Variants in FRMD5 observed in about 807,000 individuals in gnomAD.
The protein encoded by FRMD5 is FERM domain containing 5.
Under a neutral mutation model 69.0 loss-of-function variants are expected in FRMD5, and 20 were observed. That is an observed-to-expected ratio of 0.29 (90% CI 0.20 to 0.42). The LOEUF (loss-of-function observed/expected upper bound fraction) is 0.42, where lower values mean the gene tolerates loss of function less well. FRMD5 is among the 10% of genes least tolerant of loss of function. The pLI, the probability that FRMD5 is intolerant of heterozygous loss-of-function variation, is 1.00. For missense variants in FRMD5, 595 were observed against 708.6 expected, an observed-to-expected ratio of 0.84 and a Z score of 1.82; for synonymous variants, 271 against 260.1, an observed-to-expected ratio of 1.04 and a Z score of -0.40.
intron 1 of FRMD5, among the ~76,000 whole-genome samples, chr15:44,022,284 G>A (rs1427674232): frequency 2.7e-5 from 4 of 148,028 alleles, no homozygotes; most frequent in Admixed American, 6.8e-5. Context: ...GAGGGCAGGC[G>A]GCTGGGTGCA....
chr15:44,163,473 A>G lies in FRMD5; in HGVS notation c.102+31480T>C, dbSNP rs118180088. 5.7e-3 allele frequency among the ~76,000 whole-genome samples: 870 copies of G among 152,280 alleles called. 7 individuals are homozygous for G. Among genetic ancestry groups the G allele is most frequent in the East Asian group, 0.032 (165 of 5,190 alleles). Reference sequence around the variant, plus strand: ...TAAATAATGAATGTGGTCATGGTACACTTCTTTAGCTTTAACAGATTCATT... The same window carrying G: ...TAAATAATGAATGTGGTCATGGTACGCTTCTTTAGCTTTAACAGATTCATT... On this transcript the variant is annotated intron_variant, in intron 1 of 13. Transcript: ENST00000417257.
chr15:43,920,439 C>T (rs1436486184), intron 2 of FRMD5, among the ~76,000 whole-genome samples: 1 of 152,130 alleles, frequency 6.6e-6, no homozygotes, highest in Admixed American at 6.5e-5. Context: ...GATAACTAAC[C>T]ACAACCAACG....
intron 1 of FRMD5, among the ~76,000 whole-genome samples, chr15:44,071,760 T>C (rs367596226): frequency 1.1e-4 from 16 of 152,248 alleles, no homozygotes; most frequent in East Asian, 7.7e-4. Context: ...GTGTTATTCA[T>C]TGCATTAGTC....
intron 1 of FRMD5, among the ~76,000 whole-genome samples, chr15:43,927,517 T>C (rs75238223): frequency 0.018 from 2,747 of 152,282 alleles, 64 homozygotes; most frequent in East Asian, 0.062. Flanking sequence ...TCTTCACTGA[T>C]GCCAAGAGAG....
At chr15:44,003,154 C>A (rs535220055) in intron 1 of FRMD5, among the ~76,000 whole-genome samples, 1 of 152,182 alleles carries the variant, frequency 6.6e-6, no homozygotes, top group Admixed American at 6.6e-5. Flanking sequence ...TCATACTACA[C>A]ATCTATCTAA....
At chr15:44,091,594 T>C (rs922451656) in intron 1 of FRMD5, among the ~76,000 whole-genome samples, 4 of 152,148 alleles carry the variant, frequency 2.6e-5, no homozygotes, top group African/African-American at 4.8e-5. Flanking sequence ...GATTTTGTGA[T>C]GGGAAAAATG....
chr15:44,127,027 C>G (rs1298090457), intron 1 of FRMD5, among the ~76,000 whole-genome samples: 1 of 152,112 alleles, frequency 6.6e-6, no homozygotes, highest in Non-Finnish European at 1.5e-5. Context: ...TAATAAACAC[C>G]TAGAGAGGAA....
intron 1 of FRMD5, among the ~76,000 whole-genome samples, chr15:44,090,840 T>C (rs1281583920): frequency 2.6e-5 from 4 of 152,202 alleles, no homozygotes; most frequent in African/African-American, 4.8e-5. Flanking sequence ...CTATGTCCCA[T>C]GTTTTGAATT....
intron 1 of FRMD5, among the ~76,000 whole-genome samples, chr15:43,997,235 C>A (rs1027078280): frequency 6.6e-6 from 1 of 152,144 alleles, no homozygotes; most frequent in African/African-American, 2.4e-5. Flanking sequence ...AATACTCTAA[C>A]TACTATGCTT....
intron 4 of FRMD5, among the ~76,000 whole-genome samples, chr15:43,916,128 A>G (rs536915099): frequency 3.8e-4 from 58 of 152,198 alleles, no homozygotes; most frequent in African/African-American, 1.4e-3. Context: ...GAGAGAGGGG[A>G]AAATTGCCCA....
At chr15:44,092,273 A>C (rs781244740) in intron 1 of FRMD5, among the ~76,000 whole-genome samples, 17 of 152,140 alleles carry the variant, frequency 1.1e-4, no homozygotes, top group Non-Finnish European at 2.4e-4. Flanking sequence ...AGCTCAGCTC[A>C]AAGGTCTTCA....
chr15:44,086,756 T>C (rs528760977), intron 1 of FRMD5, among the ~76,000 whole-genome samples: 1 of 152,174 alleles, frequency 6.6e-6, no homozygotes, highest in Non-Finnish European at 1.5e-5. Context: ...GGCCTACTGA[T>C]AGAGTACTTC....
chr15:44,193,179 G>A (rs2078224794), intron 1 of FRMD5, among the ~76,000 whole-genome samples: 1 of 152,128 alleles, frequency 6.6e-6, no homozygotes, highest in African/African-American at 2.4e-5. Context: ...CTAGCGAAAT[G>A]GTGATGTGAA....
intron 1 of FRMD5, among the ~76,000 whole-genome samples, chr15:43,979,139 A>C (rs1595582073): frequency 6.6e-6 from 1 of 152,058 alleles, no homozygotes; most frequent in Non-Finnish European, 1.5e-5. Flanking sequence ...GCAGTTCAAG[A>C]CCAGCCTGGC....
chr15:43,969,823 C>G (rs902010999), intron 1 of FRMD5, among the ~76,000 whole-genome samples: 2 of 152,170 alleles, frequency 1.3e-5, no homozygotes, highest in Middle Eastern at 3.2e-3. Flanking sequence ...TACTATTCCT[C>G]TATCCTAAGA....
At chr15:44,072,954 A>AC (rs1486731600) in intron 1 of FRMD5, among the ~76,000 whole-genome samples, 13 of 152,162 alleles carry the variant, frequency 8.5e-5, no homozygotes, top group African/African-American at 2.9e-4. Context: ...ACATAGTAAG[A>AC]CCCCATCTCA....
intron 1 of FRMD5, among the ~76,000 whole-genome samples, chr15:43,964,423 T>G (rs538656288): frequency 6.6e-6 from 1 of 151,806 alleles, no homozygotes; most frequent in East Asian, 1.9e-4. Context: ...TCCCAGCCCT[T>G]TGAGCCATGA....
chr15:44,145,351 AACTC>A (rs1195904213), intron 1 of FRMD5, among the ~76,000 whole-genome samples: 4 of 152,180 alleles, frequency 2.6e-5, no homozygotes, highest in East Asian at 1.9e-4. Flanking sequence ...TTTCTTTAAA[AACTC>A]ACTATTTCAA....
intron 2 of FRMD5, among the ~76,000 whole-genome samples, chr15:43,920,886 G>A (rs555859610): frequency 3.9e-5 from 6 of 152,334 alleles, no homozygotes; most frequent in African/African-American, 1.4e-4. Flanking sequence ...CCAGGGCGCT[G>A]CAGTCAGCAT....
Sources: gnomAD v4.1 joint callset for allele counts (sites outside exome capture counted in the v4.1 genomes callset) on GRCh38, gnomAD v4.1.1 for gene constraint, MANE v1.5 for transcripts, NCBI Gene and HGNC (gene_info 2026-07-23, HGNC 2026-07-21) for gene names.